RAD21: variants seen among roughly 807,000 people sequenced by gnomAD.
RAD21 encodes the protein double-strand-break repair protein rad21 homolog.
A neutral mutation model predicts 71.5 loss-of-function variants in RAD21; 18 were observed. The observed-to-expected ratio is 0.25, with a 90% CI of 0.17 to 0.37. The LOEUF is 0.37. Ranked by LOEUF, RAD21 falls within the 10% of genes least tolerant of loss-of-function variation. RAD21 has a pLI of 1.00. For missense variants in RAD21, 493 were observed against 769.1 expected (o/e 0.64, Z 4.25); for synonymous variants, 248 against 254.0 (o/e 0.98, Z 0.22).
intron 2 of RAD21, among the ~76,000 whole-genome samples, chr8:116,866,149 T>C (rs553817009): frequency 1.6e-4 from 25 of 152,236 alleles, no homozygotes; most frequent in African/African-American, 5.8e-4. Context: ...ATTTGTATAG[T>C]TTTGGCTTTT....
intron 1 of RAD21, among the ~76,000 whole-genome samples, chr8:116,867,526 A>C (rs1326783692): frequency 6.6e-6 from 1 of 152,172 alleles, no homozygotes; most frequent in Non-Finnish European, 1.5e-5. Context: ...TGAAAACCCC[A>C]GTTCAGAAGA....
In RAD21 at chr8:116,850,412, G is replaced by A. The variant is rs897986636; in HGVS notation, c.1620+206C>T. Among the ~76,000 whole-genome samples the A allele has an allele frequency of 2.6e-5, 4 of 152,180 alleles. No homozygotes were observed. The East Asian group carries it at 7.7e-4, about 29-fold the overall frequency. On this transcript the variant is annotated intron_variant, in intron 12 of 13. Coordinates refer to ENST00000297338, the MANE Select transcript of RAD21 (RefSeq NM_006265.3). Reference sequence around the variant, plus strand: ...TTCCATGTCCTTCAAAACCCCACAAGAGAGCCAATGAGTTACAGCGAAGCA... The same window carrying A: ...TTCCATGTCCTTCAAAACCCCACAAAAGAGCCAATGAGTTACAGCGAAGCA...
In RAD21 at chr8:116,846,511, C is replaced by CA. The variant is rs200817314; in HGVS notation, c.*988_*989insT. On this transcript the variant is annotated 3_prime_UTR_variant, in exon 14 of 14. Coordinates refer to ENST00000297338, the MANE Select transcript of RAD21 (RefSeq NM_006265.3). ...GTTGCAACGCTATTAAAGTTCCAAA[C>CA]CAGGAGTGTGCAGCACTGGAAAAGG... The CA allele has an allele frequency of 0.097, 22,014 of 226,982 alleles. 2,429 individuals are homozygous for CA. The highest frequency in any genetic ancestry group is 0.3 in the African/African-American group (13,468 of 44,950). The allele number at this position is 226,982 out of a possible 1,614,324, so 14.1% of individuals were successfully genotyped here.
At chr8:116,866,787 T>TA in intron 1 of RAD21, 26 bp from the exon 2 acceptor site, 1 of 1,467,392 alleles carries the variant, frequency 6.8e-7, no homozygotes, top group Non-Finnish European at 9.1e-7. Flanking sequence ...AAAGTTAATG[T>TA]AAACATCATC....
In RAD21 at chr8:116,848,967, C is replaced by T; in HGVS notation, c.1683G>A (p.Gln561=). The change falls in exon 13 of 14, where the codon CAG becomes CAA. Residue 561 remains glutamine, a synonymous_variant. Transcript: ENST00000297338. The part of the protein sequence containing the change: ...QEERRWNKRT[Q]QMLHGLQRAL... ...ATACCTGAAGACCATGAAGCATCTG[C>T]TGAGTCCTTTTGTTCCATCTTCTTT... 6.2e-7 allele frequency: 1 copy of T among 1,608,278 alleles called. No individual in the cohort carries two copies. Among genetic ancestry groups the T allele is most frequent in the Non-Finnish European group, 8.5e-7 (1 of 1,177,154 alleles).
At chr8:116,854,509 C>G (rs377667234) in intron 8 of RAD21, 41 bp from the exon 9 acceptor site, 2 of 1,474,326 alleles carry the variant, frequency 1.4e-6, no homozygotes, top group African/African-American at 2.8e-5. Flanking sequence ...TCCTGAGAGG[C>G]CAGCATGGAA....
intron 2 of RAD21, among the ~76,000 whole-genome samples, chr8:116,865,243 G>A (rs370580908): frequency 7.9e-5 from 12 of 151,992 alleles, no homozygotes; most frequent in African/African-American, 2.4e-4. Flanking sequence ...TCAATTATCA[G>A]ATTGTCTCAT....
chr8:116,864,560 T>C (rs1430005966), intron 2 of RAD21, among the ~76,000 whole-genome samples: 1 of 152,058 alleles, frequency 6.6e-6, no homozygotes, highest in Non-Finnish European at 1.5e-5. Flanking sequence ...AGACAATGAA[T>C]CCCTAATTTT....
intron 9 of RAD21, among the ~76,000 whole-genome samples, chr8:116,853,059 G>T (rs1354454678): frequency 6.6e-6 from 1 of 151,918 alleles, no homozygotes; most frequent in African/African-American, 2.4e-5. Context: ...CTTACATATG[G>T]TAACCTTATT....
chr8:116,850,347 C>G (rs140310175), intron 12 of RAD21, among the ~76,000 whole-genome samples: 2 of 152,166 alleles, frequency 1.3e-5, no homozygotes, highest in African/African-American at 2.4e-5. Context: ...AGCAGCTACA[C>G]GCAATTTAGA....
intron 11 of RAD21, 62 bp downstream of exon 11, chr8:116,851,886 C>T (rs1812356154): frequency 6.6e-7 from 1 of 1,508,972 alleles, no homozygotes; most frequent in Non-Finnish European, 9.0e-7. Flanking sequence ...TCCCTAAATA[C>T]CACTTGCTAC....
chr8:116,872,711 C>A (rs1563696063), intron 1 of RAD21, among the ~76,000 whole-genome samples: 1 of 152,158 alleles, frequency 6.6e-6, no homozygotes, highest in East Asian at 1.9e-4. Context: ...ACTATGAAAA[C>A]CTGAAAGGTT....
At chr8:116,849,454 AG>A (rs1812308483) in intron 12 of RAD21, 1 of 156,770 alleles carries the variant, frequency 6.4e-6, no homozygotes. Context: ...ATGATTTTCT[AG>A]ATGACTAATG....
Position 116,847,074 on chromosome 8 carries a change from G to T in RAD21, c.*426C>A, listed in dbSNP as rs536300904. 5.3e-5 allele frequency: 12 copies of T among 224,560 alleles called. No homozygotes were observed. The highest frequency in any genetic ancestry group is 1.8e-4 in the South Asian group (1 of 5,426). The allele number at this position is 224,560 out of a possible 1,614,324, so 13.9% of individuals were successfully genotyped here. ...TACTGATGGAAAGAAGTGTTTGTTTGTTTTTTTTTCTTGTCAAAGACTTAC... is the reference window on the plus strand; with the variant it reads ...TACTGATGGAAAGAAGTGTTTGTTTTTTTTTTTTTCTTGTCAAAGACTTAC... On this transcript the variant is annotated 3_prime_UTR_variant, in exon 14 of 14. Transcript: ENST00000297338.
chr8:116,846,333 C>T lies in RAD21; in HGVS notation c.*1167G>A, dbSNP rs1804044. On this transcript the variant is annotated 3_prime_UTR_variant, in exon 14 of 14. Transcript: ENST00000297338. ...AAAAGTTTCAACACTTAAGCTAGAA[C>T]TTTCAGTGTTAACTTTGCCCTAAAA... 8.7e-6 allele frequency: 2 copies of T among 229,138 alleles called. No homozygotes were observed. The highest frequency in any genetic ancestry group is 1.7e-5 in the Non-Finnish European group (2 of 116,266). The allele number at this position is 229,138 out of a possible 1,614,324, so 14.2% of individuals were successfully genotyped here. A position where few individuals can be genotyped will look rare whatever the true frequency, so the allele number is the denominator to read the frequency against.
rs188281755 is a variant in RAD21, at chr8:116,868,424, T to G, written c.-32-1663A>C. Among the ~76,000 whole-genome samples, 9 of 152,282 alleles carry G rather than the reference T, an allele frequency of 5.9e-5. No individual in the cohort carries two copies. The East Asian group carries it at 1.2e-3, about 20-fold the overall frequency. On this transcript the variant is annotated intron_variant, in intron 1 of 13. Coordinates refer to ENST00000297338, the MANE Select transcript of RAD21 (RefSeq NM_006265.3). ...AGAAGGACATTTAGTTGCTTCCAGT[T>G]TTTGGCTATTACAAATAAACCTGCT... is the stretch of plus-strand genomic sequence containing the variant.
chr8:116,852,002 T>G lies in RAD21; in HGVS notation c.1416A>C (p.Pro472=), dbSNP rs758744398. The change falls in exon 11 of 14, where the codon CCA becomes CCC. Residue 472 remains proline (P), a synonymous_variant. Transcript: ENST00000297338. Reference sequence around the variant, plus strand: ...CAGCTTTTCGCTTAACTCCCTGAGGTGGTGGTGGAGGCATAGCTGACTCAT... The same window carrying G: ...CAGCTTTTCGCTTAACTCCCTGAGGGGGTGGTGGAGGCATAGCTGACTCAT... The part of the protein sequence containing the change: ...NIDESAMPPP[P]PQGVKRKAGQ... 5 of 1,612,560 alleles carry G rather than the reference T, an allele frequency of 3.1e-6. No individual in the cohort carries two copies. In the East Asian group the frequency reaches 1.1e-4, roughly 36 times the overall value.
chr8:116,868,627 T>C (rs187055380), intron 1 of RAD21, among the ~76,000 whole-genome samples: 115 of 152,250 alleles, frequency 7.6e-4, no homozygotes, highest in African/African-American at 2.3e-3. Context: ...CAAATTTATA[T>C]AGAAAAGCAA....
In RAD21 at chr8:116,874,666, C is replaced by T; in HGVS notation, c.-88G>A. On this transcript the variant is annotated 5_prime_UTR_variant, in exon 1 of 14. Coordinates refer to ENST00000297338, the MANE Select transcript of RAD21 (RefSeq NM_006265.3). The stretch of plus-strand genomic sequence containing the variant: ...GGTGGCCCGGGGAGGGGAAAAGGGT[C>T]GGGGGAGGGGGTGGGGAAAGGGGGG... 1.2e-5 allele frequency: 3 copies of T among 248,810 alleles called. No homozygotes were observed. Among genetic ancestry groups the T allele is most frequent in the Non-Finnish European group, 2.2e-5 (3 of 133,982 alleles). 15.4% of individuals were successfully genotyped at this position (248,810 alleles called of 1,614,324 possible).
Sources: allele counts gnomAD v4.1 joint callset (sites outside exome capture counted in the v4.1 genomes callset), GRCh38; gene constraint gnomAD v4.1.1; transcripts MANE v1.5; gene names NCBI Gene and HGNC (gene_info 2026-07-23, HGNC 2026-07-21).